TYW1B: variants seen among roughly 807,000 people sequenced by gnomAD.
The protein encoded by TYW1B is tRNA-yW synthesizing protein 1 homolog B.
Under a neutral mutation model 86.9 loss-of-function variants are expected in TYW1B, and 73 were observed. The observed-to-expected ratio is 0.84, with a 90% CI of 0.70 to 1.02. The LOEUF (loss-of-function observed/expected upper bound fraction) is 1.02. Ranked by LOEUF, TYW1B falls within the 50% of genes least tolerant of loss-of-function variation. The pLI is 0.00. For missense variants in TYW1B, 637 were observed against 827.4 expected (o/e 0.77, Z 2.82); for synonymous variants, 248 against 292.8 (o/e 0.85, Z 1.56).
At chr7:72,764,291 CT>C (rs1341061282) in intron 7 of TYW1B, among the ~76,000 whole-genome samples, 1 of 151,994 alleles carries the variant, frequency 6.6e-6, no homozygotes, top group Non-Finnish European at 1.5e-5. Flanking sequence ...TCAACAAGTC[CT>C]TTTTTTTCTT....
chr7:72,742,774 T>C (rs1377613016), intron 8 of TYW1B, among the ~76,000 whole-genome samples: 1 of 152,066 alleles, frequency 6.6e-6, no homozygotes, highest in Non-Finnish European at 1.5e-5. Flanking sequence ...GCATTTATAA[T>C]AATCAAAACA....
chr7:72,687,731 A>G (rs1433791037), intron 11 of TYW1B, among the ~76,000 whole-genome samples: 2 of 152,158 alleles, frequency 1.3e-5, no homozygotes, highest in African/African-American at 2.4e-5. Flanking sequence ...AAAAGTTGGC[A>G]TAATTGTTCA....
chr7:72,616,771 T>C lies in TYW1B; in HGVS notation c.1686A>G (p.Glu562=). The part of the protein sequence containing the change: ...LTMAHVPWHE[E]VVQFVRELVD... ...CCAGCTCGCGGACAAACTGTACCACTTCCTCATGCCAGGGCACATGGGCCA... is the reference window on the plus strand; with the variant it reads ...CCAGCTCGCGGACAAACTGTACCACCTCCTCATGCCAGGGCACATGGGCCA... Residue 562 remains glutamate, a synonymous_variant, in exon 13 of 14, where the codon GAA becomes GAG. Transcript: ENST00000620995. 2 of 1,614,242 alleles carry C rather than the reference T, an allele frequency of 1.2e-6. No homozygotes were observed. Among genetic ancestry groups the C allele is most frequent in the Non-Finnish European group, 1.7e-6 (2 of 1,180,036 alleles).
intron 6 of TYW1B, among the ~76,000 whole-genome samples, chr7:72,778,993 C>A (rs2129572065): frequency 6.6e-6 from 1 of 152,032 alleles, no homozygotes; most frequent in South Asian, 2.1e-4. Flanking sequence ...TTGGGAATGG[C>A]AGAGTGCTGA....
chr7:72,632,367 G>GTATATATAATAGATATATA (rs1195035421), intron 11 of TYW1B, among the ~76,000 whole-genome samples: 1 of 60,468 alleles, frequency 1.7e-5, no homozygotes, highest in South Asian at 4.8e-4. Flanking sequence ...ATATATATAC[G>GTATATATAATAGATATATA]CATATATATT....
intron 6 of TYW1B, among the ~76,000 whole-genome samples, chr7:72,791,223 G>T (rs1554473319): frequency 6.6e-6 from 1 of 152,042 alleles, no homozygotes; most frequent in Admixed American, 6.6e-5. Context: ...GCTCTTCTCT[G>T]TATAGGGCCA....
chr7:72,586,154 C>T (rs1554430463), intron 13 of TYW1B, among the ~76,000 whole-genome samples: 1 of 152,166 alleles, frequency 6.6e-6, no homozygotes, highest in African/African-American at 2.4e-5. Context: ...GCATGTGGGA[C>T]CGAGTCTAGG....
chr7:72,788,609 T>A (rs2129572244), intron 6 of TYW1B, among the ~76,000 whole-genome samples: 1 of 152,142 alleles, frequency 6.6e-6, no homozygotes, highest in Middle Eastern at 3.4e-3. Flanking sequence ...CTTGGCTCAC[T>A]GCAACCTCCG....
At chr7:72,681,654 G>T (rs568911839) in intron 11 of TYW1B, among the ~76,000 whole-genome samples, 1 of 150,172 alleles carries the variant, frequency 6.7e-6, no homozygotes, top group African/African-American at 2.5e-5. Context: ...GAGTGCAGGG[G>T]CACGATCCCC....
chr7:72,687,956 GC>G (rs1464041792), intron 11 of TYW1B, among the ~76,000 whole-genome samples: 17 of 152,126 alleles, frequency 1.1e-4, no homozygotes, highest in African/African-American at 3.6e-4. Context: ...GGAGGCTGAG[GC>G]AGGAGGATTG....
In TYW1B at chr7:72,579,613, G is replaced by T. The variant is rs527409107; in HGVS notation, c.1786-3894C>A. 1.7e-4 allele frequency among the ~76,000 whole-genome samples: 26 copies of T among 152,268 alleles called. 1 individual carries two copies. The South Asian group carries it at 5.4e-3, about 32-fold the overall frequency. ...TTTTCTTGGTACATGTACACGGAAAGTGAGTGAGCAAGTGACTTGGGCCCT... is the reference window on the plus strand; with the variant it reads ...TTTTCTTGGTACATGTACACGGAAATTGAGTGAGCAAGTGACTTGGGCCCT... On this transcript the variant is annotated intron_variant, in intron 13 of 13. Coordinates refer to ENST00000620995, the MANE Select transcript of TYW1B (RefSeq NM_001145440.3).
Position 72,807,331 on chromosome 7 carries a change from A to G in TYW1B, c.458T>C (p.Leu153Pro). 6.2e-7 allele frequency: 1 copy of G among 1,612,560 alleles called. No individual in the cohort carries two copies. Among genetic ancestry groups the G allele is most frequent in the South Asian group, 1.1e-5 (1 of 91,074 alleles). The change falls in exon 5 of 14, where the codon CTC becomes CCC. Residue 153 changes from leucine (L) to proline (P), a missense_variant. By Grantham distance (98) the Leu-to-Pro change is moderately conservative. Coordinates refer to ENST00000620995, the MANE Select transcript of TYW1B (RefSeq NM_001145440.3). Reference sequence around the variant, plus strand: ...CACACGATGCACGCCAAGCATCCAGAGCCACTTGTCAACATTTTTGCCAAC... The same window carrying G: ...CACACGATGCACGCCAAGCATCCAGGGCCACTTGTCAACATTTTTGCCAAC... ...NKVGKNVDKW[L>P]WMLGVHRVMS...
intron 3 of TYW1B, among the ~76,000 whole-genome samples, chr7:72,811,237 C>T (rs1208025523): frequency 6.8e-6 from 1 of 145,988 alleles, no homozygotes; most frequent in Non-Finnish European, 1.5e-5. Flanking sequence ...CGCCACTGCA[C>T]TCCAGCCTGG....
chr7:72,661,017 C>T (rs3015898), intron 11 of TYW1B, among the ~76,000 whole-genome samples: 83,037 of 144,054 alleles, frequency 0.58, 25,249 homozygotes, highest in Non-Finnish European at 0.68. Flanking sequence ...CACCTTTAAT[C>T]CCAGCTATTC....
intron 8 of TYW1B, among the ~76,000 whole-genome samples, chr7:72,730,447 G>C (rs13241834): frequency 6.9e-6 from 1 of 145,764 alleles, no homozygotes; most frequent in Non-Finnish European, 1.5e-5. Context: ...AAATACAACT[G>C]AGAGTTTCAA....
At chr7:72,665,439 G>A (rs552460471) in intron 11 of TYW1B, among the ~76,000 whole-genome samples, 2 of 152,272 alleles carry the variant, frequency 1.3e-5, no homozygotes, top group African/African-American at 4.8e-5. Flanking sequence ...TAGGAGAAAA[G>A]ATATTTCTAA....
chr7:72,736,906 T>C (rs1787205665), intron 8 of TYW1B, among the ~76,000 whole-genome samples: 1 of 152,196 alleles, frequency 6.6e-6, no homozygotes, highest in African/African-American at 2.4e-5. Context: ...TATCTACTTT[T>C]TGGATATTAT....
chr7:72,728,744 A>G, intron 9 of TYW1B, 78 bp downstream of exon 9: 1 of 1,418,752 alleles, frequency 7.0e-7, no homozygotes, highest in Admixed American at 2.2e-5. Context: ...AAATCCTACC[A>G]AAGAGGCAAT....
rs1786833518 is a variant in TYW1B, at chr7:72,718,501, C to T, written c.1193-4703G>A. Among the ~76,000 whole-genome samples, 2 of 151,812 alleles carry T rather than the reference C, an allele frequency of 1.3e-5. 1 individual carries two copies. The highest frequency in any genetic ancestry group is 2.9e-5 in the Non-Finnish European group (2 of 67,930). ...GAAACACAAAGTGCAAGTAAATCCCCAAGAGATCAAAGCAACAGAGTACAG... is the reference window on the plus strand; with the variant it reads ...GAAACACAAAGTGCAAGTAAATCCCTAAGAGATCAAAGCAACAGAGTACAG... On this transcript the variant is annotated intron_variant, in intron 9 of 13. Transcript: ENST00000620995.
Sources: gnomAD v4.1 joint callset for allele counts (sites outside exome capture counted in the v4.1 genomes callset) on GRCh38, gnomAD v4.1.1 for gene constraint, MANE v1.5 for transcripts, NCBI Gene and HGNC (gene_info 2026-07-23, HGNC 2026-07-21) for gene names.